GGPS1: variants seen among roughly 807,000 people sequenced by gnomAD.
GGPS1 encodes the protein geranylgeranyl diphosphate synthase 1, also known as geranylgeranyl pyrophosphate synthase.
A neutral mutation model predicts 28.1 loss-of-function variants in GGPS1; 15 were observed. That is an observed-to-expected ratio of 0.53 (90% confidence interval 0.36 to 0.82). GGPS1 has a LOEUF of 0.82. Among genes scored for constraint, GGPS1 ranks in the 40% least tolerant of loss-of-function variants. GGPS1 has a pLI of 0.01. For synonymous variants in GGPS1, 138 were observed against 122.4 expected (o/e 1.13, Z -0.84); for missense variants, 284 against 348.3 (o/e 0.82, Z 1.47).
chr1:235,331,656 A>G (rs10802624), intron 1 of GGPS1, among the ~76,000 whole-genome samples: 39,652 of 148,346 alleles, frequency 0.27, 6,581 homozygotes, highest in South Asian at 0.52. Context: ...TAGAAGATTC[A>G]TAGCTTTCAT....
intron 2 of GGPS1, 104 bp from the exon 3 acceptor site, chr1:235,341,603 CA>C (rs1676047353): frequency 4.0e-6 from 3 of 745,102 alleles, no homozygotes; most frequent in African/African-American, 3.5e-5. Context: ...CTGGATTTAG[CA>C]AGTCTGATCA....
upstream of GGPS1, chr1:235,328,205 G>T (rs113531328): frequency 1.3e-4 from 18 of 135,976 alleles, no homozygotes; most frequent in African/African-American, 4.8e-4. Context: ...CCGACTCTAG[G>T]TTCCCCCCCT....
rs2103351190 is a variant in GGPS1 at position 235,342,179 on chromosome 1, T to G, written c.310T>G (p.Leu104Val). The change falls in exon 4 of 4, where the codon TTA becomes GTA. Residue 104 changes from leucine (L) to valine (V), a missense_variant. Coordinates refer to ENST00000282841, the MANE Select transcript of GGPS1 (RefSeq NM_004837.4). ...GTATTTCCTTGGCTTGGAGAAAGTC[T>G]TAACCCTTGATCACCCAGATGCAGT... is the stretch of plus-strand genomic sequence containing the variant. ...YVYFLGLEKV[L>V]TLDHPDAVKL... 6.2e-7 allele frequency: 1 copy of G among 1,614,142 alleles called. No individual in the cohort carries two copies.
At chr1:235,337,614 A>G (rs1675907526) in intron 2 of GGPS1, among the ~76,000 whole-genome samples, 1 of 152,146 alleles carries the variant, frequency 6.6e-6, no homozygotes, top group Non-Finnish European at 1.5e-5. Flanking sequence ...TAATAATGCT[A>G]TCAGTATTTT....
chr1:235,341,998 A>ATT lies in GGPS1; in HGVS notation c.142-7_142-6dup, dbSNP rs3841735. On this transcript the variant is annotated splice_polypyrimidine_tract_variant and intron_variant, in intron 3 of 3. Coordinates refer to ENST00000282841, the MANE Select transcript of GGPS1 (RefSeq NM_004837.4). ...ATAGTTCAAATAAGTGAAATTTTCAATTTTTTTATTAGATTATTATTGAAG... is the reference window on the plus strand; with the variant it reads ...ATAGTTCAAATAAGTGAAATTTTCAATTTTTTTTTATTAGATTATTATTGAAG... 8 of 1,466,392 alleles carry ATT rather than the reference A, an allele frequency of 5.5e-6. No homozygotes were observed. The highest frequency in any genetic ancestry group is 4.3e-5 in the Admixed American group (2 of 46,814). 90.8% of individuals were successfully genotyped at this position (1,466,392 alleles called of 1,614,324 possible). A position where few individuals can be genotyped will look rare whatever the true frequency, so the allele number is the denominator to read the frequency against.
At position 235,342,213 on chromosome 1, in the gene GGPS1, T is replaced by C; in HGVS notation, c.344T>C (p.Phe115Ser). 6.2e-7 allele frequency: 1 copy of C among 1,614,038 alleles called. No homozygotes were observed. Among genetic ancestry groups the C allele is most frequent in the Non-Finnish European group, 8.5e-7 (1 of 1,179,946 alleles). ...TLDHPDAVKL[F>S]TRQLLELHQG... ...GATCACCCAGATGCAGTGAAGCTTT[T>C]TACCCGCCAGCTTTTGGAACTCCAT... The change falls in exon 4 of 4, where the codon TTT becomes TCT. Residue 115 changes from phenylalanine (F) to serine (S), a missense_variant. Coordinates refer to ENST00000282841, the MANE Select transcript of GGPS1 (RefSeq NM_004837.4).
chr1:235,331,198 C>G (rs998283926), intron 1 of GGPS1, among the ~76,000 whole-genome samples: 13 of 152,062 alleles, frequency 8.5e-5, no homozygotes, highest in Admixed American at 8.5e-4. Flanking sequence ...AATTGTTAGT[C>G]AAGATGGATG....
In GGPS1 at chr1:235,342,007, T is replaced by G; in HGVS notation, c.142-4T>G. 2 of 1,490,368 alleles carry G rather than the reference T, an allele frequency of 1.3e-6. No homozygotes were observed. Among genetic ancestry groups the G allele is most frequent in the Non-Finnish European group, 1.8e-6 (2 of 1,095,898 alleles). 92.3% of individuals were successfully genotyped at this position (1,490,368 alleles called of 1,614,324 possible). ...ATAAGTGAAATTTTCAATTTTTTTA[T>G]TAGATTATTATTGAAGTGACAGAAA... On this transcript the variant is annotated splice_polypyrimidine_tract_variant and splice_region_variant and intron_variant, in intron 3 of 3. Coordinates refer to ENST00000282841, the MANE Select transcript of GGPS1 (RefSeq NM_004837.4).
rs1359387539 is a variant in GGPS1, at chr1:235,344,453, C to T, written c.*1681C>T. On this transcript the variant is annotated 3_prime_UTR_variant, in exon 4 of 4. Transcript: ENST00000282841. ...GTATGGAAAGTTGAACTTTATGAAC[C>T]CATACTTTTAAAAAGCATTTTTAAA... 6.0e-6 allele frequency: 1 copy of T among 166,790 alleles called. No homozygotes were observed. The highest frequency in any genetic ancestry group is 1.5e-5 in the Non-Finnish European group (1 of 68,076). 10.3% of individuals were successfully genotyped at this position (166,790 alleles called of 1,614,324 possible). A position where few individuals can be genotyped will look rare whatever the true frequency, so the allele number is the denominator to read the frequency against.
At chr1:235,340,735 CAAAAAAAAAA>C (rs1165162184) in intron 2 of GGPS1, among the ~76,000 whole-genome samples, 5 of 50,994 alleles carry the variant, frequency 9.8e-5, no homozygotes, top group Admixed American at 5.7e-4. Context: ...GACTCCGTCT[CAAAAAAAAAA>C]AAAAAAAAAA....
intron 2 of GGPS1, among the ~76,000 whole-genome samples, chr1:235,339,135 T>C (rs917646518): frequency 6.6e-6 from 1 of 151,798 alleles, no homozygotes; most frequent in Non-Finnish European, 1.5e-5. Flanking sequence ...CCGTCTCTAC[T>C]AAAAATACAA....
intron 2 of GGPS1, among the ~76,000 whole-genome samples, chr1:235,340,996 A>G (rs1027202500): frequency 7.2e-5 from 11 of 152,166 alleles, no homozygotes; most frequent in Non-Finnish European, 1.2e-4. Flanking sequence ...AACAGTACCT[A>G]TAGTTATGTA....
intron 2 of GGPS1, among the ~76,000 whole-genome samples, chr1:235,335,713 C>A (rs1202069923): frequency 6.6e-6 from 1 of 152,116 alleles, no homozygotes; most frequent in Non-Finnish European, 1.5e-5. Context: ...TAAAACATAT[C>A]CAATTATTTA....
At chr1:235,329,508 G>A (rs549431109) in intron 1 of GGPS1, 2 of 152,538 alleles carry the variant, frequency 1.3e-5, no homozygotes, top group Admixed American at 1.3e-4. Context: ...TTCTGAGCAA[G>A]TGAGGATCGA....
Position 235,329,849 on chromosome 1 carries a change from C to G in GGPS1, c.-24+1071C>G, listed in dbSNP as rs573866806. 4 of 152,274 alleles carry G rather than the reference C, an allele frequency of 2.6e-5. No homozygotes were observed. In the South Asian group the frequency reaches 8.3e-4, roughly 32 times the overall value. 9.4% of individuals were successfully genotyped at this position (152,274 alleles called of 1,614,324 possible). ...AAAGAGGCAAATGCAGGGAACCCGA[C>G]GAGGAGGCTATTGCCGTAGTAGTTC... On this transcript the variant is annotated intron_variant, in intron 1 of 3. Coordinates refer to ENST00000282841, the MANE Select transcript of GGPS1 (RefSeq NM_004837.4).
intron 2 of GGPS1, among the ~76,000 whole-genome samples, chr1:235,340,064 G>T (rs115804490): frequency 6.6e-6 from 1 of 151,996 alleles, no homozygotes; most frequent in African/African-American, 2.4e-5. Flanking sequence ...CTTGGGAGGC[G>T]GAGGTTGCAA....
intron 1 of GGPS1, chr1:235,329,827 G>A (rs555392616): frequency 6.6e-6 from 1 of 152,382 alleles, no homozygotes; most frequent in Non-Finnish European, 1.5e-5. Flanking sequence ...AAGAGTTAAA[G>A]AGGCAAATGC....
At chr1:235,334,100 A>G (rs1390989324) in intron 1 of GGPS1, among the ~76,000 whole-genome samples, 3 of 152,236 alleles carry the variant, frequency 2.0e-5, no homozygotes, top group African/African-American at 7.2e-5. Flanking sequence ...TAATAAATAT[A>G]TGCATTTGAG....
Position 235,343,176 on chromosome 1 carries a change from A to G in GGPS1, c.*404A>G, listed in dbSNP as rs1045941583. The stretch of plus-strand genomic sequence containing the variant: ...CTATTAGCTAGCTGGACCAAAGACC[A>G]CAAATCTCTTTTTTTCCTAAACGCT... On this transcript the variant is annotated 3_prime_UTR_variant, in exon 4 of 4. Transcript: ENST00000282841. 1 of 169,388 alleles carries G rather than the reference A, an allele frequency of 5.9e-6. No individual in the cohort carries two copies. Among genetic ancestry groups the G allele is most frequent in the Admixed American group, 6.5e-5 (1 of 15,368 alleles). The allele number at this position is 169,388 out of a possible 1,614,324, so 10.5% of individuals were successfully genotyped here.
Sources: allele counts gnomAD v4.1 joint callset (sites outside exome capture counted in the v4.1 genomes callset), GRCh38; gene constraint gnomAD v4.1.1; transcripts MANE v1.5; gene names NCBI Gene and HGNC (gene_info 2026-07-23, HGNC 2026-07-21).